Variants in SLC24A3 observed in about 807,000 individuals in gnomAD.
SLC24A3 encodes the protein solute carrier family 24 member 3.
A neutral mutation model predicts 75.8 loss-of-function variants in SLC24A3; 28 were observed. The observed-to-expected ratio is 0.37, with a 90% confidence interval of 0.27 to 0.51. The LOEUF (loss-of-function observed/expected upper bound fraction) is 0.51, where lower values mean the gene tolerates loss of function less well. Among genes scored for constraint, SLC24A3 ranks in the 20% least tolerant of loss-of-function variants. The probability of loss-of-function intolerance (pLI) is 0.94; values close to 1 mark genes in which losing one functional copy is unlikely to be tolerated. For missense variants in SLC24A3, 663 were observed against 847.8 expected (o/e 0.78, Z 2.71); for synonymous variants, 372 against 334.1 (o/e 1.11, Z -1.24).
chr20:19,605,267 C>T (rs1042923990), intron 6 of SLC24A3, among the ~76,000 whole-genome samples: 19 of 152,086 alleles, frequency 1.2e-4, no homozygotes, highest in African/African-American at 4.6e-4. Flanking sequence ...ACAGTTTAAC[C>T]ACAGCTGTCT....
chr20:19,622,005 G>C (rs943720305), intron 6 of SLC24A3, among the ~76,000 whole-genome samples: 3 of 152,216 alleles, frequency 2.0e-5, no homozygotes, highest in African/African-American at 7.2e-5. Flanking sequence ...CATCAGGCAA[G>C]ATGCAGGGAG....
intron 2 of SLC24A3, among the ~76,000 whole-genome samples, chr20:19,451,329 C>T (rs1248281102): frequency 3.3e-5 from 5 of 152,180 alleles, no homozygotes; most frequent in African/African-American, 4.8e-5. Context: ...TGACTATTCT[C>T]GCCTGAATCA....
chr20:19,527,627 C>T (rs1001262459), intron 3 of SLC24A3, among the ~76,000 whole-genome samples: 1 of 152,178 alleles, frequency 6.6e-6, no homozygotes, highest in Non-Finnish European at 1.5e-5. Context: ...CAGTGGCATG[C>T]CCTGTCTCTC....
At chr20:19,234,654 CAG>C (rs1033128278) in intron 1 of SLC24A3, among the ~76,000 whole-genome samples, 4 of 152,140 alleles carry the variant, frequency 2.6e-5, no homozygotes, top group South Asian at 2.1e-4. Context: ...TTGCTGACTT[CAG>C]AGAGAGCTGC....
chr20:19,219,205 T>A (rs1600379635), intron 1 of SLC24A3, among the ~76,000 whole-genome samples: 1 of 152,116 alleles, frequency 6.6e-6, no homozygotes, highest in African/African-American at 2.4e-5. Flanking sequence ...ACTTCCAACC[T>A]GGAGAGGCAA....
intron 2 of SLC24A3, among the ~76,000 whole-genome samples, chr20:19,319,918 A>T (rs2122274372): frequency 6.6e-6 from 1 of 152,296 alleles, no homozygotes; most frequent in Non-Finnish European, 1.5e-5. Flanking sequence ...GGTTTGTCAA[A>T]GGGTGGTGGC....
intron 2 of SLC24A3, among the ~76,000 whole-genome samples, chr20:19,427,145 G>A (rs942446496): frequency 3.3e-5 from 5 of 152,140 alleles, no homozygotes; most frequent in Admixed American, 1.3e-4. Flanking sequence ...GTGCATGCAC[G>A]CGCAGGAATG....
intron 2 of SLC24A3, among the ~76,000 whole-genome samples, chr20:19,439,420 G>A (rs1180236960): frequency 2.0e-5 from 3 of 152,120 alleles, no homozygotes; most frequent in African/African-American, 7.2e-5. Context: ...TGGGACATAA[G>A]CCTGCCCTTC....
At chr20:19,622,998 C>T (rs1159159656) in intron 6 of SLC24A3, among the ~76,000 whole-genome samples, 1 of 152,156 alleles carries the variant, frequency 6.6e-6, no homozygotes, top group African/African-American at 2.4e-5. Context: ...GGGGGTGGCA[C>T]CAAGCCATCT....
chr20:19,383,955 C>A (rs556884997), intron 2 of SLC24A3, among the ~76,000 whole-genome samples: 1 of 152,316 alleles, frequency 6.6e-6, no homozygotes, highest in East Asian at 1.9e-4. Context: ...GGGGAGGACA[C>A]AAACATTCAG....
chr20:19,664,834 AG>A (rs2032378691), intron 7 of SLC24A3, among the ~76,000 whole-genome samples: 1 of 152,218 alleles, frequency 6.6e-6, no homozygotes, highest in African/African-American at 2.4e-5. Flanking sequence ...TATGAAATAT[AG>A]GTGTACTCAT....
At chr20:19,378,584 C>G (rs1034662552) in intron 2 of SLC24A3, among the ~76,000 whole-genome samples, 8 of 152,282 alleles carry the variant, frequency 5.3e-5, no homozygotes, top group South Asian at 4.1e-4. Context: ...CTGTTGAAGA[C>G]ACCCTGTGCT....
rs371446046 is a variant in SLC24A3, at chr20:19,238,784, C to T, written c.142+25800C>T. Among the ~76,000 whole-genome samples the T allele has an allele frequency of 3.4e-3, 512 of 152,308 alleles. 9 individuals carry two copies. The South Asian group carries it at 0.058, about 17-fold the overall frequency. ...ATGCAAAGGGGATGGCCAGACAAGA[C>T]ACACCGAAGACACACCTCCTGCCCT... On this transcript the variant is annotated intron_variant, in intron 1 of 16. Transcript: ENST00000328041.
At chr20:19,446,151 T>C (rs1035560602) in intron 2 of SLC24A3, among the ~76,000 whole-genome samples, 1 of 152,104 alleles carries the variant, frequency 6.6e-6, no homozygotes, top group Non-Finnish European at 1.5e-5. Flanking sequence ...CTTAAGAACA[T>C]TCAGGAAGGG....
chr20:19,430,363 C>T (rs1015153528), intron 2 of SLC24A3, among the ~76,000 whole-genome samples: 2 of 151,922 alleles, frequency 1.3e-5, no homozygotes, highest in Non-Finnish European at 2.9e-5. Flanking sequence ...ATCTCCAGCC[C>T]GACCAAGGGT....
intron 2 of SLC24A3, among the ~76,000 whole-genome samples, chr20:19,433,587 G>A (rs556901395): frequency 1.3e-5 from 2 of 152,284 alleles, no homozygotes; most frequent in South Asian, 4.1e-4. Flanking sequence ...CCTTGTGGTA[G>A]GCCCTGGAAT....
At chr20:19,254,015 A>G (rs1284018396) in intron 1 of SLC24A3, among the ~76,000 whole-genome samples, 3 of 152,230 alleles carry the variant, frequency 2.0e-5, no homozygotes, top group Admixed American at 6.5e-5. Flanking sequence ...CTCAGGGCTT[A>G]CATGGCATGA....
chr20:19,436,813 A>G (rs574254956), intron 2 of SLC24A3, among the ~76,000 whole-genome samples: 1 of 152,314 alleles, frequency 6.6e-6, no homozygotes, highest in South Asian at 2.1e-4. Context: ...TGGACCAATC[A>G]CAATGGCTAA....
intron 2 of SLC24A3, among the ~76,000 whole-genome samples, chr20:19,395,520 G>A (rs993458661): frequency 3.3e-5 from 5 of 152,138 alleles, no homozygotes; most frequent in South Asian, 2.1e-4. Flanking sequence ...TGCTCTGTTC[G>A]TCTGACAGTT....
Sources: allele counts gnomAD v4.1 joint callset (sites outside exome capture counted in the v4.1 genomes callset), GRCh38; gene constraint gnomAD v4.1.1; transcripts MANE v1.5; gene names NCBI Gene and HGNC (gene_info 2026-07-23, HGNC 2026-07-21).